The following PCDHA13 variants were observed in gnomAD, a reference collection of about 807,000 sequenced individuals.
The protein encoded by PCDHA13 is protocadherin alpha-13.
PCDHA13 carries 54 observed loss-of-function variants against 64.8 expected under a neutral mutation model. That is an observed-to-expected ratio of 0.83 (90% CI 0.67 to 1.04). The LOEUF (loss-of-function observed/expected upper bound fraction) is 1.04. Ranked by LOEUF, PCDHA13 falls within the 50% of genes least tolerant of loss-of-function variation. The probability of loss-of-function intolerance (pLI) is 0.00; values close to 1 mark genes in which losing one functional copy is unlikely to be tolerated. For missense variants in PCDHA13, 1,248 were observed against 1,254.3 expected (o/e 0.99, Z 0.08); for synonymous variants, 587 against 564.4 (o/e 1.04, Z -0.57).
chr5:140,911,884 C>A (rs1283685498), intron 1 of PCDHA13, among the ~76,000 whole-genome samples: 1 of 152,050 alleles, frequency 6.6e-6, no homozygotes, highest in Non-Finnish European at 1.5e-5. Flanking sequence ...CTCCTGGGAC[C>A]AAAATCTGTA....
At position 140,923,318 on chromosome 5, in the gene PCDHA13, A is replaced by G. The variant is rs189105018; in HGVS notation, c.2394+38656A>G. Among the ~76,000 whole-genome samples the G allele has an allele frequency of 8.1e-3, 1,226 of 152,276 alleles. 6 individuals are homozygous for G. The highest frequency in any genetic ancestry group is 0.019 in the African/African-American group (794 of 41,558). On this transcript the variant is annotated intron_variant, in intron 1 of 3. Transcript: ENST00000289272. ...CTGGGCGTGGGGGCGCTTGGCCTAG[A>G]AGTTCAAGGACAGTTTGGGCAACAT...
At chr5:140,954,396 C>T (rs894225724) in intron 1 of PCDHA13, among the ~76,000 whole-genome samples, 3 of 152,176 alleles carry the variant, frequency 2.0e-5, no homozygotes, top group Admixed American at 1.3e-4. Context: ...TTTACAACCC[C>T]ACCAACAGGG....
chr5:140,928,788 G>A, intron 1 of PCDHA13: 1 of 1,614,214 alleles, frequency 6.2e-7, no homozygotes, highest in South Asian at 1.1e-5. Flanking sequence ...CAGTTAAGCA[G>A]AGGGTGGTGG....
chr5:140,981,037 A>T (rs1427761331), intron 2 of PCDHA13, among the ~76,000 whole-genome samples: 1 of 152,204 alleles, frequency 6.6e-6, no homozygotes, highest in Non-Finnish European at 1.5e-5. Context: ...TTTGGGGAAA[A>T]AAAACAGATA....
intron 1 of PCDHA13, among the ~76,000 whole-genome samples, chr5:140,940,147 GT>G (rs1459512201): frequency 6.6e-6 from 1 of 152,082 alleles, no homozygotes; most frequent in African/African-American, 2.4e-5. Flanking sequence ...AACTATTATA[GT>G]TTTTGTTTGC....
At chr5:140,997,533 A>G (rs1247028089) in intron 3 of PCDHA13, among the ~76,000 whole-genome samples, 1 of 152,230 alleles carries the variant, frequency 6.6e-6, no homozygotes, top group Non-Finnish European at 1.5e-5. Context: ...CAATAAAAAT[A>G]CATTATTATA....
At chr5:140,923,134 G>C (rs962370475) in intron 1 of PCDHA13, among the ~76,000 whole-genome samples, 2 of 152,106 alleles carry the variant, frequency 1.3e-5, no homozygotes, top group Non-Finnish European at 1.5e-5. Flanking sequence ...CACTTTGAAG[G>C]TGGAATATAA....
intron 1 of PCDHA13, chr5:140,926,964 C>G (rs149218057): frequency 1.9e-6 from 3 of 1,606,346 alleles, no homozygotes; most frequent in African/African-American, 2.7e-5. Flanking sequence ...AGCTCGAGTA[C>G]TCAGTGCCGG....
At chr5:140,985,945 T>C (rs1432402407) in intron 3 of PCDHA13, among the ~76,000 whole-genome samples, 1 of 152,080 alleles carries the variant, frequency 6.6e-6, no homozygotes, top group Non-Finnish European at 1.5e-5. Flanking sequence ...TTCACTGTGT[T>C]AGCCAGGATG....
At chr5:140,962,932 TC>T (rs1188109186) in intron 1 of PCDHA13, among the ~76,000 whole-genome samples, 20 of 152,266 alleles carry the variant, frequency 1.3e-4, no homozygotes, top group African/African-American at 4.3e-4. Flanking sequence ...CTTCTCAACC[TC>T]CTCTCCATAA....
At chr5:140,885,462 G>T (rs890056404) in intron 1 of PCDHA13, among the ~76,000 whole-genome samples, 3 of 152,070 alleles carry the variant, frequency 2.0e-5, no homozygotes, top group African/African-American at 7.2e-5. Context: ...ACCTAATGAT[G>T]GGCAATCACT....
At chr5:140,969,175 T>C in intron 1 of PCDHA13, 7 of 1,613,046 alleles carry the variant, frequency 4.3e-6, no homozygotes, top group Non-Finnish European at 5.9e-6. Context: ...GCTCAGGGAG[T>C]GACACTTTCA....
chr5:140,927,191 T>C, intron 1 of PCDHA13: 16 of 1,614,144 alleles, frequency 9.9e-6, no homozygotes, highest in Non-Finnish European at 1.4e-5. Context: ...TACGACCTGG[T>C]GCTCGAGGAC....
intron 1 of PCDHA13, chr5:140,966,601 T>C: frequency 1.5e-6 from 1 of 652,170 alleles, no homozygotes; most frequent in East Asian, 3.4e-5. Flanking sequence ...CCAGGAGCCC[T>C]TGGGAGGGCC....
At position 140,946,611 on chromosome 5, in the gene PCDHA13, A is replaced by AATATATAT. The variant is rs1554217734; in HGVS notation, c.2395-32324_2395-32317dup. Among the ~76,000 whole-genome samples, 282 of 86,744 alleles carry AATATATAT rather than the reference A, an allele frequency of 3.3e-3. 10 individuals carry two copies. Among genetic ancestry groups the AATATATAT allele is most frequent in the African/African-American group, 0.015 (234 of 15,690 alleles). The allele number at this position is 86,744 out of a possible 152,430, so 56.9% of individuals were successfully genotyped here. A position where few individuals can be genotyped will look rare whatever the true frequency, so the allele number is the denominator to read the frequency against. Reference sequence around the variant, plus strand: ...GGATGAATAGATAAAGAAAATGTGAAATATATATATATATATATATACAAT... The same window carrying AATATATAT: ...GGATGAATAGATAAAGAAAATGTGAAATATATATATATATATATATATATATATACAAT... On this transcript the variant is annotated intron_variant, in intron 1 of 3. Coordinates refer to ENST00000289272, the MANE Select transcript of PCDHA13 (RefSeq NM_018904.3).
rs369720251 is a variant in PCDHA13 at position 140,883,769 on chromosome 5, G to A, written c.1501G>A (p.Glu501Lys). 9.3e-6 allele frequency: 15 copies of A among 1,612,378 alleles called. No homozygotes were observed. The South Asian group carries it at 1.2e-4, about 13-fold the overall frequency. Residue 501 changes from glutamate to lysine, a missense_variant, in exon 1 of 4, where the codon GAG (glutamate) becomes AAG (lysine). Glu to Lys is a moderately conservative substitution (Grantham distance 56). Transcript: ENST00000289272. The part of the protein sequence containing the change: ...SYSLVERRVG[E>K]RALSSYVSVH... ...CTCGCTGGTGGAGCGGCGGGTGGGC[G>A]AGCGTGCGCTGTCGAGCTACGTGTC...
chr5:140,895,428 C>A (rs2065003978), intron 1 of PCDHA13, among the ~76,000 whole-genome samples: 1 of 152,154 alleles, frequency 6.6e-6, no homozygotes, highest in Non-Finnish European at 1.5e-5. Flanking sequence ...TTTGCTTCCT[C>A]CTGAGACTCT....
chr5:140,952,416 G>T (rs114343205), intron 1 of PCDHA13, among the ~76,000 whole-genome samples: 1 of 151,730 alleles, frequency 6.6e-6, no homozygotes, highest in Non-Finnish European at 1.5e-5. Context: ...TTAATGTTCC[G>T]CAGATTCCTA....
intron 1 of PCDHA13, among the ~76,000 whole-genome samples, chr5:140,900,339 G>A (rs1019458960): frequency 7.2e-5 from 11 of 151,812 alleles, no homozygotes; most frequent in East Asian, 2.0e-4. Context: ...GTACCGTGGC[G>A]CAATCTTGGC....
Sources: allele counts gnomAD v4.1 joint callset (sites outside exome capture counted in the v4.1 genomes callset), GRCh38; gene constraint gnomAD v4.1.1; transcripts MANE v1.5; gene names NCBI Gene and HGNC (gene_info 2026-07-23, HGNC 2026-07-21).